TECPR2: variants seen among roughly 807,000 people sequenced by gnomAD.
The protein encoded by TECPR2 is tectonin beta-propeller repeat-containing protein 2.
Under a neutral mutation model 138.1 loss-of-function variants are expected in TECPR2, and 65 were observed. That is an observed-to-expected ratio of 0.47 (90% confidence interval 0.39 to 0.58). TECPR2 has a LOEUF of 0.58. Among genes scored for constraint, TECPR2 ranks in the 20% least tolerant of loss-of-function variants. TECPR2 has a pLI of 0.00. For missense variants in TECPR2, 1,553 were observed against 1,824.5 expected, an observed-to-expected ratio of 0.85 and a Z score of 2.71; for synonymous variants, 746 against 749.8, an observed-to-expected ratio of 0.99 and a Z score of 0.08.
At chr14:102,494,528 C>G (rs891797621) in intron 17 of TECPR2, among the ~76,000 whole-genome samples, 14 of 147,086 alleles carry the variant, frequency 9.5e-5, no homozygotes, top group African/African-American at 3.5e-4. Flanking sequence ...CAGTGAGACT[C>G]AAAAAAAAAC....
chr14:102,451,032 C>T (rs921726965), intron 15 of TECPR2, among the ~76,000 whole-genome samples: 1 of 152,210 alleles, frequency 6.6e-6, no homozygotes, highest in Non-Finnish European at 1.5e-5. Context: ...AACTTCCTTC[C>T]GTCTTGTTCA....
intron 2 of TECPR2, among the ~76,000 whole-genome samples, chr14:102,378,955 AACT>A (rs1202392352): frequency 9.2e-5 from 14 of 152,276 alleles, no homozygotes; most frequent in African/African-American, 1.9e-4. Context: ...TAAAAATTAG[AACT>A]ACTGCTATTT....
rs758645940 is a variant in TECPR2 at position 102,450,649 on chromosome 14, G to A, written c.3406G>A (p.Gly1136Arg). The change falls in exon 15 of 20, where the codon GGA becomes AGA. Residue 1136 changes from glycine to arginine, a missense_variant and splice_region_variant. By Grantham distance (125) the Gly-to-Arg change is moderately radical. Coordinates refer to ENST00000359520, the MANE Select transcript of TECPR2 (RefSeq NM_014844.5). ...GGCTTCTGCAGCTCCCACGAAGGAA[G>A]GTGGGTCAGTCTTAGCCTCACTGAA... ...VLASAAPTKEGSFLWLCQSSK... is the reference protein window; with the variant it reads ...VLASAAPTKERSFLWLCQSSK... 2 of 1,614,012 alleles carry A rather than the reference G, an allele frequency of 1.2e-6. No individual in the cohort carries two copies. The highest frequency in any genetic ancestry group is 2.7e-5 in the African/African-American group (2 of 74,942).
intron 2 of TECPR2, among the ~76,000 whole-genome samples, chr14:102,395,439 A>G (rs1888290016): frequency 6.6e-6 from 1 of 152,244 alleles, no homozygotes; most frequent in Non-Finnish European, 1.5e-5. Context: ...TTTCAAAATA[A>G]AAAAGACCAC....
rs764010253 is a variant in TECPR2, at chr14:102,498,202, G to T, written c.4181G>T (p.Ser1394Ile). The change falls in exon 20 of 20, where the codon AGC (serine) becomes ATC (isoleucine). Residue 1394 changes from serine to isoleucine, a missense_variant. Coordinates refer to ENST00000359520, the MANE Select transcript of TECPR2 (RefSeq NM_014844.5). ...FSHSHGTQKS[S>I]QAAMPHPEDL... Reference sequence around the variant, plus strand: ...CACTCGCACGGCACCCAGAAGAGCAGCCAGGCCGCCATGCCCCACCCTGAG... The same window carrying T: ...CACTCGCACGGCACCCAGAAGAGCATCCAGGCCGCCATGCCCCACCCTGAG... 3.7e-6 allele frequency: 6 copies of T among 1,608,862 alleles called. No individual in the cohort carries two copies. The highest frequency in any genetic ancestry group is 4.2e-6 in the Non-Finnish European group (5 of 1,179,978).
At chr14:102,455,535 C>T (rs1360531904) in intron 16 of TECPR2, among the ~76,000 whole-genome samples, 1 of 152,178 alleles carries the variant, frequency 6.6e-6, no homozygotes, top group Non-Finnish European at 1.5e-5. Flanking sequence ...CAACCTCTGC[C>T]TTCCCAGGCT....
chr14:102,493,849 C>T (rs896210087), intron 17 of TECPR2, among the ~76,000 whole-genome samples: 6 of 152,336 alleles, frequency 3.9e-5, no homozygotes, highest in East Asian at 1.9e-4. Context: ...GAAAGTGGCT[C>T]GGGCTTCCAA....
chr14:102,421,213 A>G (rs975778088), intron 5 of TECPR2, among the ~76,000 whole-genome samples: 25 of 152,186 alleles, frequency 1.6e-4, no homozygotes, highest in Admixed American at 1.3e-3. Flanking sequence ...TTGACAGGAA[A>G]GGCAGAGGAA....
intron 17 of TECPR2, among the ~76,000 whole-genome samples, chr14:102,469,239 T>G (rs1890612759): frequency 6.6e-6 from 1 of 152,222 alleles, no homozygotes; most frequent in South Asian, 2.1e-4. Flanking sequence ...ATTTAGATCT[T>G]CTTTACTTTC....
chr14:102,469,616 G>A (rs1033211970), intron 17 of TECPR2, among the ~76,000 whole-genome samples: 3 of 152,130 alleles, frequency 2.0e-5, no homozygotes, highest in Non-Finnish European at 4.4e-5. Flanking sequence ...GAGTAGAAGT[G>A]GCGAGAATGG....
At position 102,415,737 on chromosome 14, in the gene TECPR2, C is replaced by A. The variant is rs1246268562; in HGVS notation, c.638+944C>A. ...TTGGCCGATGGGAGCTGGAAGAGTT[C>A]CCGTCTTGTGTCTCCCAGGAAAGGG... On this transcript the variant is annotated intron_variant, in intron 5 of 19. Coordinates refer to ENST00000359520, the MANE Select transcript of TECPR2 (RefSeq NM_014844.5). The surrounding 1 kb of genome is among the most constrained non-coding windows in gnomAD (Gnocchi z 4.3). Among the ~76,000 whole-genome samples, 1 of 152,144 alleles carries A rather than the reference C, an allele frequency of 6.6e-6. No individual in the cohort carries two copies. The highest frequency in any genetic ancestry group is 1.5e-5 in the Non-Finnish European group (1 of 68,030).
Position 102,407,477 on chromosome 14 carries a change from A to G in TECPR2, c.348+11A>G, listed in dbSNP as rs750080249. The G allele has an allele frequency of 9.4e-6, 15 of 1,602,126 alleles. No homozygotes were observed. Among genetic ancestry groups the G allele is most frequent in the African/African-American group, 8.1e-5 (6 of 74,230 alleles). On this transcript the variant is annotated intron_variant, in intron 3 of 19. Coordinates refer to ENST00000359520, the MANE Select transcript of TECPR2 (RefSeq NM_014844.5). ...GGGAGAAATAAACAGGTGAGTACTC[A>G]TGATCTTAACACGTGTTAACTTCTT... is the stretch of plus-strand genomic sequence containing the variant.
chr14:102,467,096 A>G (rs1448924655), intron 17 of TECPR2, among the ~76,000 whole-genome samples: 1 of 152,148 alleles, frequency 6.6e-6, no homozygotes, highest in African/African-American at 2.4e-5. Context: ...GTTTCTGCTT[A>G]TTGGCTACTG....
chr14:102,413,619 TC>T (rs1370774265), intron 4 of TECPR2, among the ~76,000 whole-genome samples: 1 of 151,498 alleles, frequency 6.6e-6, no homozygotes, highest in African/African-American at 2.4e-5. Flanking sequence ...CCTCAAACGA[TC>T]CACCCACCTC....
chr14:102,415,977 C>T lies in TECPR2; in HGVS notation c.638+1184C>T, dbSNP rs1227509217. On this transcript the variant is annotated intron_variant, in intron 5 of 19. Coordinates refer to ENST00000359520, the MANE Select transcript of TECPR2 (RefSeq NM_014844.5). This position sits in a 1 kb window ranked among gnomAD's most constrained non-coding sequence, Gnocchi z 4.3. ...GAGCCAGCCCCTGTGGTCGTAGTCA[C>T]TGCCCGTTATTCTGTGTTCTGGGCT... 6.6e-6 allele frequency among the ~76,000 whole-genome samples: 1 copy of T among 152,184 alleles called. No individual in the cohort carries two copies. Among genetic ancestry groups the T allele is most frequent in the Non-Finnish European group, 1.5e-5 (1 of 68,042 alleles).
At position 102,452,647 on chromosome 14, in the gene TECPR2, A is replaced by C. The variant is rs745846869; in HGVS notation, c.3640+20A>C. ...AGCTAGGTACGGCCACCTCGTGAGT[A>C]CACCTGCCGGTGCCCTGACTGCCCT... On this transcript the variant is annotated intron_variant, in intron 16 of 19. Transcript: ENST00000359520. 1 of 1,547,162 alleles carries C rather than the reference A, an allele frequency of 6.5e-7. No individual in the cohort carries two copies. Among genetic ancestry groups the C allele is most frequent in the Non-Finnish European group, 8.8e-7 (1 of 1,141,258 alleles).
At chr14:102,425,447 G>T (rs1889291657) in intron 6 of TECPR2, among the ~76,000 whole-genome samples, 156 bp downstream of exon 6, 1 of 151,844 alleles carries the variant, frequency 6.6e-6, no homozygotes. Flanking sequence ...TCAAATGAAG[G>T]TTTGGTAATT....
intron 2 of TECPR2, among the ~76,000 whole-genome samples, chr14:102,399,687 A>C (rs909476591): frequency 6.6e-6 from 1 of 151,844 alleles, no homozygotes; most frequent in Non-Finnish European, 1.5e-5. Context: ...GAATTACCTA[A>C]GTGTGGTGGC....
chr14:102,363,048 C>T lies in TECPR2; in HGVS notation c.-141C>T. The T allele has an allele frequency of 1.6e-6, 1 of 625,570 alleles. No individual in the cohort carries two copies. Among genetic ancestry groups the T allele is most frequent in the Non-Finnish European group, 2.6e-6 (1 of 382,950 alleles). 38.8% of individuals were successfully genotyped at this position (625,570 alleles called of 1,614,324 possible). A position where few individuals can be genotyped will look rare whatever the true frequency, so the allele number is the denominator to read the frequency against. Reference sequence around the variant, plus strand: ...GGGAACAGGCTCCCGGCAGCCCCCGCGGCCCGGAGTCCATCCCGCCTCCTC... The same window carrying T: ...GGGAACAGGCTCCCGGCAGCCCCCGTGGCCCGGAGTCCATCCCGCCTCCTC... On this transcript the variant is annotated 5_prime_UTR_variant, in exon 1 of 20. Coordinates refer to ENST00000359520, the MANE Select transcript of TECPR2 (RefSeq NM_014844.5).
Sources: allele counts gnomAD v4.1 joint callset (sites outside exome capture counted in the v4.1 genomes callset), GRCh38; gene constraint gnomAD v4.1.1; non-coding constraint Gnocchi (gnomAD v3.1); transcripts MANE v1.5; gene names NCBI Gene and HGNC (gene_info 2026-07-23, HGNC 2026-07-21).